SATL1: variants seen among roughly 807,000 people sequenced by gnomAD.
The protein encoded by SATL1 is spermidine/spermine N(1)-acetyltransferase-like protein 1.
A neutral mutation model predicts 51.8 loss-of-function variants in SATL1; 47 were observed. The observed-to-expected ratio is 0.91, with a 90% CI of 0.72 to 1.16. The LOEUF is 1.16. Ranked by LOEUF, SATL1 falls within the 50% of genes most tolerant of loss-of-function variation. SATL1 has a pLI of 0.00. For synonymous variants in SATL1, 176 were observed against 182.4 expected (o/e 0.97, Z 0.28); for missense variants, 520 against 526.4 (o/e 0.99, Z 0.12).
intron 2 of SATL1, among the ~76,000 whole-genome samples, chrX:85,156,617 G>A (rs1926593290): frequency 9.2e-6 from 1 of 108,329 alleles, no homozygotes; most frequent in South Asian, 4.0e-4. Flanking sequence ...TAGAGTACAG[G>A]CCAGGCCTGG....
chrX:85,176,153 T>C (rs142575911), intron 2 of SATL1, among the ~76,000 whole-genome samples: 1,188 of 112,037 alleles, frequency 0.011, 6 homozygotes, highest in Non-Finnish European at 0.016. Flanking sequence ...ATGGATCTTA[T>C]ACATATAAAA....
At chrX:85,163,518 AC>A (rs1253606108) in intron 2 of SATL1, among the ~76,000 whole-genome samples, 2 of 111,149 alleles carry the variant, frequency 1.8e-5, no homozygotes, top group African/African-American at 6.5e-5. Flanking sequence ...TTCATTGTTG[AC>A]CCAAAGTTCA....
intron 2 of SATL1, among the ~76,000 whole-genome samples, chrX:85,147,842 C>A (rs1391602612): frequency 9.0e-6 from 1 of 111,224 alleles, no homozygotes; most frequent in Non-Finnish European, 1.9e-5. Flanking sequence ...TCATCAAAGA[C>A]CAAAAGTAGA....
intron 2 of SATL1, chrX:85,207,993 G>T (rs1927823730): frequency 9.0e-6 from 1 of 111,191 alleles, no homozygotes; most frequent in Admixed American, 9.6e-5. Context: ...ATGTTGGTTT[G>T]CAGCACGCAT....
At position 85,108,209 on chromosome X, in the gene SATL1, A is replaced by G. The variant is rs1925136928; in HGVS notation, c.760T>C (p.Ser254Pro). 1.7e-6 allele frequency: 2 copies of G among 1,211,133 alleles called. No homozygotes were observed. The highest frequency in any genetic ancestry group is 2.2e-6 in the Non-Finnish European group (2 of 895,416). ...SQPDANQSSL[S>P]DSNQTGIIQP... ...ATTATACCTGTTTGGTTGGAATCTG[A>G]TAAACTTGATTGGTTTGCGTCTGGT... is the stretch of plus-strand genomic sequence containing the variant. Residue 254 changes from serine (S) to proline (P), a missense_variant, in exon 3 of 8, where the codon TCA becomes CCA. Ser to Pro is a moderately conservative substitution (Grantham distance 74). This residue lies in a region of SATL1 where 488 missense variants were observed against 474.3 expected (regional missense o/e 1.03). Transcript: ENST00000644105.
At chrX:85,149,871 T>C (rs1163644882) in intron 2 of SATL1, among the ~76,000 whole-genome samples, 6 of 111,439 alleles carry the variant, frequency 5.4e-5, no homozygotes, top group South Asian at 3.8e-4. Context: ...AGGAAAGATC[T>C]AAAATTGACA....
chrX:85,156,861 AT>A (rs1569238913), intron 2 of SATL1, among the ~76,000 whole-genome samples: 496 of 44,206 alleles, frequency 0.011, 12 homozygotes, highest in African/African-American at 0.034. Context: ...ATATATATAT[AT>A]ATATATAAAA....
At chrX:85,206,815 G>A (rs749616696) in intron 2 of SATL1, among the ~76,000 whole-genome samples, 19 of 111,437 alleles carry the variant, frequency 1.7e-4, no homozygotes, top group Non-Finnish European at 3.4e-4. Flanking sequence ...AGGACAAAAC[G>A]GAAATTATTG....
At chrX:85,156,686 A>G (rs1926594539) in intron 2 of SATL1, among the ~76,000 whole-genome samples, 1 of 107,001 alleles carries the variant, frequency 9.3e-6, no homozygotes, top group Non-Finnish European at 1.9e-5. Context: ...TCCAGGTAGC[A>G]TCAAGTTAAA....
intron 2 of SATL1, among the ~76,000 whole-genome samples, chrX:85,148,692 A>C (rs1926331130): frequency 1.8e-5 from 2 of 111,844 alleles, no homozygotes; most frequent in African/African-American, 6.5e-5. Flanking sequence ...TTTTCAACCC[A>C]GAATTTCATA....
At chrX:85,140,494 A>T (rs1230588047) in intron 2 of SATL1, among the ~76,000 whole-genome samples, 2 of 112,170 alleles carry the variant, frequency 1.8e-5, no homozygotes, top group Non-Finnish European at 3.8e-5. Flanking sequence ...TCTCCCTTTG[A>T]AATATGTTTG....
At chrX:85,213,069 ATACT>A (rs1317874647) in intron 2 of SATL1, among the ~76,000 whole-genome samples, 5 of 111,709 alleles carry the variant, frequency 4.5e-5, no homozygotes, top group African/African-American at 6.5e-5. Flanking sequence ...AGTATATATA[ATACT>A]TAATACGTAT....
chrX:85,119,619 T>C (rs1569230994), intron 2 of SATL1, among the ~76,000 whole-genome samples: 1 of 111,665 alleles, frequency 9.0e-6, no homozygotes, highest in Admixed American at 9.6e-5. Flanking sequence ...GGAGGCTTTT[T>C]GTAAAAATAT....
At chrX:85,162,584 G>T (rs994472829) in intron 2 of SATL1, among the ~76,000 whole-genome samples, 1 of 111,167 alleles carries the variant, frequency 9.0e-6, no homozygotes, top group Non-Finnish European at 1.9e-5. Flanking sequence ...ATGTTGAATA[G>T]AAGTGGTGAA....
chrX:85,177,421 G>T (rs747685694), intron 2 of SATL1, among the ~76,000 whole-genome samples: 1 of 111,075 alleles, frequency 9.0e-6, no homozygotes, highest in Non-Finnish European at 1.9e-5. Context: ...CATTTGTTGC[G>T]AACCTCTCAG....
intron 2 of SATL1, among the ~76,000 whole-genome samples, chrX:85,186,539 A>G (rs1045058045): frequency 9.0e-6 from 1 of 111,256 alleles, no homozygotes; most frequent in Non-Finnish European, 1.9e-5. Flanking sequence ...GGGATGGACA[A>G]TTCACCTCTG....
At chrX:85,130,098 T>A (rs1316936326) in intron 2 of SATL1, among the ~76,000 whole-genome samples, 1 of 112,037 alleles carries the variant, frequency 8.9e-6, no homozygotes. Flanking sequence ...GATATTCATC[T>A]AAAATTCTCT....
rs750940043 is a variant in SATL1, at chrX:85,195,459, G to T, written c.-313+28746C>A. On this transcript the variant is annotated intron_variant, in intron 2 of 7. Coordinates refer to ENST00000644105, the MANE Select transcript of SATL1 (RefSeq NM_001367857.2). ...TCAAACAGTTGATGAGGGGAGTTGG[G>T]ACTCAAAAAGAAGGACACATTTTGG... Among the ~76,000 whole-genome samples the T allele has an allele frequency of 5.4e-5, 6 of 111,438 alleles. No homozygotes were observed. In the South Asian group the frequency reaches 1.1e-3, roughly 21 times the overall value.
chrX:85,148,745 C>T (rs1325055871), intron 2 of SATL1, among the ~76,000 whole-genome samples: 1 of 111,223 alleles, frequency 9.0e-6, no homozygotes, highest in African/African-American at 3.3e-5. Context: ...AAATAAAGTC[C>T]TTTACAGACA....
Sources: allele counts gnomAD v4.1 joint callset (sites outside exome capture counted in the v4.1 genomes callset), GRCh38; gene constraint gnomAD v4.1.1; regional missense constraint gnomAD v4.1.1; transcripts MANE v1.5; gene names NCBI Gene and HGNC (gene_info 2026-07-23, HGNC 2026-07-21).